Variants in DLGAP2 observed in about 807,000 individuals in gnomAD.
The protein encoded by DLGAP2 is DLG associated protein 2.
In DLGAP2, 26 loss-of-function variants were observed where a neutral mutation model predicts 100.3. The observed-to-expected ratio is 0.26, with a 90% CI of 0.19 to 0.36. The LOEUF is 0.36. Among genes scored for constraint, DLGAP2 ranks in the 10% least tolerant of loss-of-function variants. DLGAP2 has a pLI of 1.00. For missense variants in DLGAP2, 1,858 were observed against 1,453.2 expected (o/e 1.28, Z -4.53); for synonymous variants, 886 against 630.1 (o/e 1.41, Z -6.08).
At chr8:1,208,144 A>T (rs113372537) in intron 2 of DLGAP2, among the ~76,000 whole-genome samples, 2 of 152,048 alleles carry the variant, frequency 1.3e-5, no homozygotes, top group Non-Finnish European at 2.9e-5. Context: ...GCCTAAGCCA[A>T]TGTCTAGAAG....
At chr8:1,131,298 A>G (rs181520111) in intron 2 of DLGAP2, among the ~76,000 whole-genome samples, 2 of 152,260 alleles carry the variant, frequency 1.3e-5, no homozygotes, top group Admixed American at 6.5e-5. Context: ...ACACATTGCC[A>G]TAGATGGGCG....
At chr8:1,430,011 T>TATATATATATATATATATATACACAC (rs1348288489) in intron 3 of DLGAP2, among the ~76,000 whole-genome samples, 1 of 63,960 alleles carries the variant, frequency 1.6e-5, no homozygotes, top group Non-Finnish European at 3.3e-5. Flanking sequence ...TATATACATA[T>TATATATATATATATATATATACACAC]ATATATATAT....
In DLGAP2 at chr8:1,553,417, T is replaced by C. The variant is rs11136412; in HGVS notation, c.1230+3734T>C. On this transcript the variant is annotated intron_variant, in intron 5 of 14. Transcript: ENST00000637795. ...TCACGGGCAGCAGCCCCATTTTGTT[T>C]GGCGTGTTCACGGGCAGCAGCCCTG... Among the ~76,000 whole-genome samples the C allele has an allele frequency of 3.6e-3, 93 of 26,084 alleles. No individual in the cohort carries two copies. In the East Asian group the frequency reaches 0.064, roughly 18 times the overall value. 17.1% of individuals were successfully genotyped at this position (26,084 alleles called of 152,430 possible). A position where few individuals can be genotyped will look rare whatever the true frequency, so the allele number is the denominator to read the frequency against.
At position 1,697,231 on chromosome 8, in the gene DLGAP2, A is replaced by G. The variant is rs766455457; in HGVS notation, c.2881A>G (p.Met961Val). The G allele has an allele frequency of 1.9e-6, 3 of 1,611,756 alleles. No homozygotes were observed. The highest frequency in any genetic ancestry group is 1.3e-5 in the African/African-American group (1 of 75,012). Reference sequence around the variant, plus strand: ...GCAGCTCTCCATTGAGGACGTCAGCATGAAGTTCGACGAGCTGCAGCGGCT... The same window carrying G: ...GCAGCTCTCCATTGAGGACGTCAGCGTGAAGTTCGACGAGCTGCAGCGGCT... Reference protein sequence around the residue: ...MLQLSIEDVSMKFDELQRLRL... With the variant: ...MLQLSIEDVSVKFDELQRLRL... The change falls in exon 14 of 15, where the codon ATG (methionine) becomes GTG (valine). Residue 961 changes from methionine (M) to valine (V), a missense_variant. Physicochemically the swap from Met to Val is conservative, Grantham distance 21. Transcript: ENST00000637795.
chr8:1,550,687 A>C (rs1801735805), intron 5 of DLGAP2, among the ~76,000 whole-genome samples: 2 of 152,160 alleles, frequency 1.3e-5, no homozygotes, highest in Non-Finnish European at 2.9e-5. Flanking sequence ...AAGAAGGTAG[A>C]TCCCTAGAGC....
At chr8:1,614,767 TA>T (rs539951311) in intron 6 of DLGAP2, among the ~76,000 whole-genome samples, 126 of 152,358 alleles carry the variant, frequency 8.3e-4, no homozygotes, top group Admixed American at 3.6e-3. Context: ...GGCTCTGGGA[TA>T]ATAACTTATA....
chr8:903,854 C>G (rs1798317014), intron 1 of DLGAP2, among the ~76,000 whole-genome samples: 1 of 152,210 alleles, frequency 6.6e-6, no homozygotes, highest in Non-Finnish European at 1.5e-5. Context: ...GTTATGCAGC[C>G]GCAGCAGACT....
chr8:1,218,406 C>G (rs1028723986), intron 2 of DLGAP2, among the ~76,000 whole-genome samples: 1 of 152,022 alleles, frequency 6.6e-6, no homozygotes, highest in Non-Finnish European at 1.5e-5. Flanking sequence ...TGTAGGTGTG[C>G]CGCTTTATTT....
At chr8:1,172,351 C>A (rs4618722) in intron 2 of DLGAP2, among the ~76,000 whole-genome samples, 98,774 of 150,652 alleles carry the variant, frequency 0.66, 32,489 homozygotes, top group Admixed American at 0.69. Context: ...TGAATCTGAC[C>A]ATTATGTGTC....
chr8:946,349 C>T (rs1432005186), intron 2 of DLGAP2, among the ~76,000 whole-genome samples: 3 of 151,726 alleles, frequency 2.0e-5, no homozygotes, highest in East Asian at 1.9e-4. Context: ...TTGCAAGCTC[C>T]GCCTCCCGGG....
chr8:1,349,631 C>T (rs1394539564), intron 3 of DLGAP2, among the ~76,000 whole-genome samples: 3 of 71,428 alleles, frequency 4.2e-5, no homozygotes, highest in African/African-American at 8.2e-5. Flanking sequence ...ATGAGCCTCC[C>T]GCCCACATCC....
At chr8:1,257,914 A>G (rs1799263155) in intron 2 of DLGAP2, among the ~76,000 whole-genome samples, 1 of 152,214 alleles carries the variant, frequency 6.6e-6, no homozygotes, top group Non-Finnish European at 1.5e-5. Context: ...TTCTCAGGAA[A>G]GTGGATGGAA....
chr8:1,000,163 A>G (rs1349229146), intron 2 of DLGAP2, among the ~76,000 whole-genome samples: 1 of 151,084 alleles, frequency 6.6e-6, no homozygotes, highest in East Asian at 2.0e-4. Context: ...GATTTTCTCT[A>G]GAGCAGACAG....
chr8:1,251,370 CTCTT>C (rs1431645873), intron 2 of DLGAP2, among the ~76,000 whole-genome samples: 1 of 152,096 alleles, frequency 6.6e-6, no homozygotes, highest in Non-Finnish European at 1.5e-5. Flanking sequence ...TTGCCTTTTG[CTCTT>C]TCTGTTTTTT....
intron 2 of DLGAP2, among the ~76,000 whole-genome samples, chr8:981,049 A>C (rs768277214): frequency 3.9e-5 from 6 of 152,152 alleles, no homozygotes; most frequent in Non-Finnish European, 8.8e-5. Flanking sequence ...GGCCACATAG[A>C]AACTCTATCC....
intron 3 of DLGAP2, among the ~76,000 whole-genome samples, chr8:1,499,209 G>T (rs996906693): frequency 2.3e-4 from 35 of 152,224 alleles, no homozygotes; most frequent in African/African-American, 7.0e-4. Context: ...TGAAGCACGT[G>T]GCTTTGCTAA....
At chr8:1,048,514 C>T (rs538891541) in intron 2 of DLGAP2, among the ~76,000 whole-genome samples, 10 of 151,898 alleles carry the variant, frequency 6.6e-5, no homozygotes, top group South Asian at 4.2e-4. Flanking sequence ...TGCTATACTC[C>T]GCAAGGCCCC....
At chr8:1,573,921 G>A (rs1293652027) in intron 6 of DLGAP2, among the ~76,000 whole-genome samples, 2 of 152,158 alleles carry the variant, frequency 1.3e-5, no homozygotes, top group Non-Finnish European at 2.9e-5. Context: ...TCAGTGAGTA[G>A]TCATAAGTGG....
At chr8:1,361,409 CAG>C (rs1253089643) in intron 3 of DLGAP2, among the ~76,000 whole-genome samples, 9 of 152,316 alleles carry the variant, frequency 5.9e-5, no homozygotes, top group African/African-American at 2.2e-4. Context: ...TAAAAACAAA[CAG>C]AAATCTATGT....
Sources: allele counts gnomAD v4.1 joint callset (sites outside exome capture counted in the v4.1 genomes callset), GRCh38; gene constraint gnomAD v4.1.1; transcripts MANE v1.5; gene names NCBI Gene and HGNC (gene_info 2026-07-23, HGNC 2026-07-21).